Variants in CLIP4 observed in about 807,000 individuals in gnomAD.
CLIP4 encodes CAP-Gly domain-containing linker protein 4.
A neutral mutation model predicts 73.1 loss-of-function variants in CLIP4; 47 were observed. The observed-to-expected ratio is 0.64, with a 90% CI of 0.51 to 0.82. CLIP4 has a LOEUF of 0.82. Ranked by LOEUF, CLIP4 falls within the 40% of genes least tolerant of loss-of-function variation. The pLI, the probability that CLIP4 is intolerant of heterozygous loss-of-function variation, is 0.00. For missense variants in CLIP4, 874 were observed against 852.9 expected (o/e 1.02, Z -0.31); for synonymous variants, 306 against 295.4 (o/e 1.04, Z -0.37).
At chr2:29,148,283 T>C (rs571200002) in intron 8 of CLIP4, among the ~76,000 whole-genome samples, 2 of 152,354 alleles carry the variant, frequency 1.3e-5, no homozygotes, top group South Asian at 4.1e-4. Context: ...ACAATGGTTT[T>C]CTCTCTTTCC....
At chr2:29,120,774 G>C (rs1326950508) in intron 1 of CLIP4, among the ~76,000 whole-genome samples, 2 of 152,092 alleles carry the variant, frequency 1.3e-5, no homozygotes, top group Non-Finnish European at 2.9e-5. Context: ...GGTAATATAA[G>C]CCATGTGCTT....
At chr2:29,101,850 C>A (rs1668059591) in intron 1 of CLIP4, among the ~76,000 whole-genome samples, 1 of 152,200 alleles carries the variant, frequency 6.6e-6, no homozygotes, top group Non-Finnish European at 1.5e-5. Context: ...GCACCGTTTG[C>A]TTCTTTGAAT....
At chr2:29,145,081 T>C (rs776649793) in intron 7 of CLIP4, 151 bp from the exon 8 acceptor site, 3 of 580,296 alleles carry the variant, frequency 5.2e-6, no homozygotes, top group Non-Finnish European at 6.0e-6. Flanking sequence ...TTACCAAGCA[T>C]AAAAAGGTAA....
intron 14 of CLIP4, among the ~76,000 whole-genome samples, chr2:29,169,333 GTGTGT>G (rs1558579109): frequency 0.057 from 2,202 of 38,866 alleles, 25 homozygotes; most frequent in East Asian, 0.42. Flanking sequence ...TTTTCACTGT[GTGTGT>G]GTGTGTGTGT....
intron 1 of CLIP4, among the ~76,000 whole-genome samples, chr2:29,117,126 T>A (rs1429604948): frequency 6.6e-6 from 1 of 152,210 alleles, no homozygotes; most frequent in African/African-American, 2.4e-5. Context: ...GGCATTTGTA[T>A]ATTGTTTTCT....
rs1667430449 is a variant in CLIP4 at position 29,163,719 on chromosome 2, C to G, written c.1535-112C>G. 1.0e-5 allele frequency: 10 copies of G among 979,000 alleles called. No homozygotes were observed. In the South Asian group the frequency reaches 2.2e-4, roughly 21 times the overall value. 60.6% of individuals were successfully genotyped at this position (979,000 alleles called of 1,614,324 possible). On this transcript the variant is annotated intron_variant, in intron 12 of 15. Coordinates refer to ENST00000320081, the MANE Select transcript of CLIP4 (RefSeq NM_024692.6). ...CTTAATGAGTATCATGATCTTCCCT[C>G]ATTTTGGTCATTTATGGAAATGTTA...
intron 8 of CLIP4, among the ~76,000 whole-genome samples, chr2:29,146,233 A>T (rs1007816857): frequency 6.6e-6 from 1 of 152,134 alleles, no homozygotes. Context: ...GCCTCTGACC[A>T]GGGGCACGCC....
At chr2:29,152,568 A>G (rs535613721) in intron 8 of CLIP4, 117 bp from the exon 9 acceptor site, 2 of 1,009,104 alleles carry the variant, frequency 2.0e-6, no homozygotes, top group African/African-American at 3.3e-5. Flanking sequence ...TCATCATAGG[A>G]CATGCAGTGG....
chr2:29,181,452 G>T, intron 15 of CLIP4, 120 bp from the exon 16 acceptor site: 1 of 810,810 alleles, frequency 1.2e-6, no homozygotes, highest in Non-Finnish European at 1.9e-6. Context: ...TGACCATAAA[G>T]TATTCTCTTT....
chr2:29,153,098 C>T (rs570145700), intron 9 of CLIP4, among the ~76,000 whole-genome samples: 19 of 152,216 alleles, frequency 1.2e-4, no homozygotes, highest in South Asian at 8.3e-4. Flanking sequence ...TTCATACTTT[C>T]ATCAAATTTT....
At chr2:29,149,058 G>A (rs1666363987) in intron 8 of CLIP4, among the ~76,000 whole-genome samples, 1 of 152,182 alleles carries the variant, frequency 6.6e-6, no homozygotes, top group South Asian at 2.1e-4. Context: ...GGGCCGCATG[G>A]TAAATGTTGT....
chr2:29,162,689 A>G (rs1195665186), intron 12 of CLIP4, among the ~76,000 whole-genome samples: 1 of 152,200 alleles, frequency 6.6e-6, no homozygotes, highest in Non-Finnish European at 1.5e-5. Context: ...TGGCAACCAG[A>G]CTAACCTGGT....
At chr2:29,130,684 C>G (rs2148485121) in intron 2 of CLIP4, 6 of 1,130,338 alleles carry the variant, frequency 5.3e-6, no homozygotes, top group South Asian at 4.0e-5. Flanking sequence ...CTTTCTGATT[C>G]TCTTCTGATG....
chr2:29,177,470 A>G (rs754298786), intron 15 of CLIP4, among the ~76,000 whole-genome samples: 3 of 151,796 alleles, frequency 2.0e-5, no homozygotes, highest in African/African-American at 4.8e-5. Flanking sequence ...AATCCCAGCT[A>G]CTTGCGATGC....
intron 1 of CLIP4, among the ~76,000 whole-genome samples, chr2:29,103,152 A>T (rs1407287702): frequency 6.6e-6 from 1 of 152,144 alleles, no homozygotes; most frequent in East Asian, 1.9e-4. Flanking sequence ...TTCTCTATAC[A>T]GGGTTGCCAC....
intron 10 of CLIP4, 108 bp from the exon 11 acceptor site, chr2:29,157,096 A>G (rs1666974954): frequency 4.4e-6 from 4 of 913,462 alleles, no homozygotes; most frequent in East Asian, 4.8e-5. Context: ...TAGATAATCC[A>G]TAATTGAGGA....
upstream of CLIP4, among the ~76,000 whole-genome samples, chr2:29,111,692 G>A (rs1389197236): frequency 1.3e-5 from 2 of 152,084 alleles, no homozygotes; most frequent in Non-Finnish European, 2.9e-5. Context: ...ATCCCTAGTT[G>A]CTTTTGAACA....
At chr2:29,129,005 C>T (rs781162297) in intron 2 of CLIP4, among the ~76,000 whole-genome samples, 2 of 152,102 alleles carry the variant, frequency 1.3e-5, no homozygotes, top group Non-Finnish European at 2.9e-5. Flanking sequence ...ATTAATGTTT[C>T]AGTATTTATC....
chr2:29,145,901 C>T lies in CLIP4; in HGVS notation c.1021+534C>T, dbSNP rs146353607. Among the ~76,000 whole-genome samples the T allele has an allele frequency of 9.2e-5, 14 of 152,286 alleles. No individual in the cohort carries two copies. The South Asian group carries it at 1.4e-3, about 16-fold the overall frequency. ...TTCGCCATGTTGGCCAGACTGGTCT[C>T]GACCTCCTGACCTCAGGTTATCTGC... On this transcript the variant is annotated intron_variant, in intron 8 of 15. Transcript: ENST00000320081.
Sources: gnomAD v4.1 joint callset for allele counts (sites outside exome capture counted in the v4.1 genomes callset) on GRCh38, gnomAD v4.1.1 for gene constraint, MANE v1.5 for transcripts, NCBI Gene and HGNC (gene_info 2026-07-23, HGNC 2026-07-21) for gene names.